Variants in ULK4 observed in about 807,000 individuals in gnomAD.
ULK4 encodes inactive serine/threonine-protein kinase ULK4.
ULK4 carries 133 observed loss-of-function variants against 160.6 expected under a neutral mutation model. The ratio of observed to expected loss-of-function variants is 0.83; its 90% CI spans 0.72 to 0.96. ULK4 has a LOEUF of 0.96. Ranked by LOEUF, ULK4 falls within the 40% of genes least tolerant of loss-of-function variation. The probability of loss-of-function intolerance (pLI) is 0.00; values close to 1 mark genes in which losing one functional copy is unlikely to be tolerated. For synonymous variants in ULK4, 534 were observed against 539.8 expected (o/e 0.99, Z 0.15); for missense variants, 1,580 against 1,499.5 (o/e 1.05, Z -0.89).
chr3:41,596,662 G>A (rs1271448916), intron 31 of ULK4, among the ~76,000 whole-genome samples: 2 of 152,106 alleles, frequency 1.3e-5, no homozygotes, highest in Admixed American at 6.5e-5. Context: ...AGGTCATAAA[G>A]GTAGTTCAAT....
chr3:41,918,602 T>C (rs1289317275), intron 6 of ULK4, 62 bp from the exon 7 acceptor site: 17 of 884,246 alleles, frequency 1.9e-5, no homozygotes, highest in Non-Finnish European at 2.6e-5. Flanking sequence ...ATTCTTTTTT[T>C]TTTTTTTTTT....
intron 32 of ULK4, among the ~76,000 whole-genome samples, chr3:41,489,053 C>A (rs2084651496): frequency 6.6e-6 from 1 of 152,184 alleles, no homozygotes; most frequent in East Asian, 1.9e-4. Context: ...AACCCCTGAC[C>A]CTCAGTTTAT....
At chr3:41,467,435 G>A (rs2083862604) in intron 32 of ULK4, among the ~76,000 whole-genome samples, 3 of 152,210 alleles carry the variant, frequency 2.0e-5, no homozygotes, top group South Asian at 4.1e-4. Flanking sequence ...GCTGAGGCAG[G>A]AGAATCGTTT....
intron 30 of ULK4, among the ~76,000 whole-genome samples, chr3:41,643,948 G>T (rs1283674250): frequency 6.6e-6 from 1 of 151,974 alleles, no homozygotes; most frequent in Non-Finnish European, 1.5e-5. Flanking sequence ...TATTCTCTTT[G>T]AAGCAATTGT....
intron 29 of ULK4, among the ~76,000 whole-genome samples, chr3:41,675,254 A>G (rs1449915478): frequency 1.3e-5 from 2 of 151,318 alleles, no homozygotes; most frequent in Non-Finnish European, 2.9e-5. Context: ...AAAGAAAGAG[A>G]AAGTGTTTCT....
rs756225801 is a variant in ULK4 at position 41,907,936 on chromosome 3, C to A, written c.1091G>T (p.Arg364Leu). The change falls in exon 12 of 37, where the codon CGT (arginine) becomes CTT (leucine). Residue 364 changes from arginine to leucine, a missense_variant. Transcript: ENST00000301831. ...TGCAGTGCTAGTTCTGGGAGTAGGA[C>A]GAGAACTGAAAAATACAAACCAGTT... ...LNESMFLLSSRPTPRTSTAVE... is the reference protein window; with the variant it reads ...LNESMFLLSSLPTPRTSTAVE... 1.9e-6 allele frequency: 3 copies of A among 1,598,986 alleles called. No individual in the cohort carries two copies. Among genetic ancestry groups the A allele is most frequent in the Admixed American group, 1.7e-5 (1 of 57,188 alleles).
intron 30 of ULK4, among the ~76,000 whole-genome samples, chr3:41,659,837 A>G (rs2035082143): frequency 6.6e-6 from 1 of 152,206 alleles, no homozygotes; most frequent in Non-Finnish European, 1.5e-5. Flanking sequence ...TAGACACTAG[A>G]AAAGTTATAA....
intron 21 of ULK4, among the ~76,000 whole-genome samples, chr3:41,771,482 ATAT>A (rs756985990): frequency 3.4e-4 from 51 of 151,588 alleles, no homozygotes; most frequent in Non-Finnish European, 6.6e-4. Flanking sequence ...ATCATTACTA[ATAT>A]TATTAGTAAA....
At chr3:41,797,058 T>C (rs953404912) in intron 20 of ULK4, among the ~76,000 whole-genome samples, 10 of 152,130 alleles carry the variant, frequency 6.6e-5, no homozygotes, top group African/African-American at 2.4e-4. Context: ...GAATAAAATC[T>C]ATATCCACAA....
chr3:41,634,368 C>G (rs181871095), intron 30 of ULK4, among the ~76,000 whole-genome samples: 340 of 152,282 alleles, frequency 2.2e-3, no homozygotes, highest in African/African-American at 7.8e-3. Flanking sequence ...CTGGAAGGTA[C>G]AAACTCAGTA....
intron 35 of ULK4, among the ~76,000 whole-genome samples, chr3:41,393,367 T>C (rs147380292): frequency 6.6e-6 from 1 of 152,144 alleles, no homozygotes; most frequent in Admixed American, 6.5e-5. Flanking sequence ...CTAAAGCTCA[T>C]GTTTAGTAAA....
At chr3:41,305,383 G>A (rs1172699555) in intron 35 of ULK4, among the ~76,000 whole-genome samples, 6 of 152,214 alleles carry the variant, frequency 3.9e-5, no homozygotes, top group African/African-American at 7.2e-5. Flanking sequence ...GGCTCGAGCC[G>A]CCACGCCTGA....
intron 22 of ULK4, among the ~76,000 whole-genome samples, chr3:41,725,270 C>T (rs2037610812): frequency 6.6e-6 from 1 of 152,148 alleles, no homozygotes; most frequent in Non-Finnish European, 1.5e-5. Flanking sequence ...TAAAATCTAC[C>T]TGTATTGATC....
chr3:41,386,455 G>A (rs1044140863), intron 35 of ULK4, among the ~76,000 whole-genome samples: 20 of 152,054 alleles, frequency 1.3e-4, no homozygotes, highest in South Asian at 2.1e-4. Flanking sequence ...ATGAAGTGGC[G>A]TCCACAAACT....
intron 35 of ULK4, among the ~76,000 whole-genome samples, chr3:41,278,941 A>G (rs1056593604): frequency 3.3e-5 from 5 of 152,152 alleles, no homozygotes; most frequent in Admixed American, 6.5e-5. Flanking sequence ...CTGGATGGAG[A>G]ATGAGTTTGA....
chr3:41,773,813 T>A (rs2039500429), intron 21 of ULK4, among the ~76,000 whole-genome samples: 1 of 152,166 alleles, frequency 6.6e-6, no homozygotes, highest in African/African-American at 2.4e-5. Context: ...GCTACCTGAC[T>A]TCAAACTATA....
intron 21 of ULK4, among the ~76,000 whole-genome samples, chr3:41,765,438 A>C (rs978353287): frequency 2.6e-5 from 4 of 152,154 alleles, no homozygotes; most frequent in Non-Finnish European, 5.9e-5. Context: ...GGATAGCATT[A>C]GGAGATATAC....
At chr3:41,303,351 T>C (rs755751862) in intron 35 of ULK4, among the ~76,000 whole-genome samples, 5 of 152,212 alleles carry the variant, frequency 3.3e-5, no homozygotes, top group Non-Finnish European at 5.9e-5. Context: ...ATTTAGCATT[T>C]CTAGTTCACG....
At chr3:41,427,379 CA>C (rs1352080588) in intron 34 of ULK4, among the ~76,000 whole-genome samples, 1 of 152,148 alleles carries the variant, frequency 6.6e-6, no homozygotes, top group East Asian at 1.9e-4. Flanking sequence ...GAAACTATTC[CA>C]AACAATTGAA....
Sources: allele counts gnomAD v4.1 joint callset (sites outside exome capture counted in the v4.1 genomes callset), GRCh38; gene constraint gnomAD v4.1.1; transcripts MANE v1.5; gene names NCBI Gene and HGNC (gene_info 2026-07-23, HGNC 2026-07-21).